TRPC6: variants seen among roughly 807,000 people sequenced by gnomAD.
TRPC6 encodes transient receptor potential cation channel subfamily C member 6.
TRPC6 carries 55 observed loss-of-function variants against 90.7 expected under a neutral mutation model. The ratio of observed to expected loss-of-function variants is 0.61; its 90% CI spans 0.49 to 0.76. The LOEUF (loss-of-function observed/expected upper bound fraction) is 0.76, where lower values mean the gene tolerates loss of function less well. Ranked by LOEUF, TRPC6 falls within the 30% of genes least tolerant of loss-of-function variation. The pLI is 0.00. For synonymous variants in TRPC6, 393 were observed against 393.0 expected (o/e 1.00, Z 0.00); for missense variants, 989 against 1,122.7 (o/e 0.88, Z 1.70).
intron 1 of TRPC6, among the ~76,000 whole-genome samples, chr11:101,563,498 C>CA (rs1861760789): frequency 6.6e-6 from 1 of 151,962 alleles, no homozygotes; most frequent in Admixed American, 6.6e-5. Context: ...GAAAACATTA[C>CA]AAAAAATGTT....
intron 1 of TRPC6, among the ~76,000 whole-genome samples, chr11:101,525,368 T>C (rs1860754997): frequency 1.3e-5 from 2 of 152,144 alleles, no homozygotes; most frequent in South Asian, 4.1e-4. Flanking sequence ...TTTATTGTAA[T>C]AAGTAGGAGA....
In TRPC6 at chr11:101,469,504, T is replaced by C. The variant is rs1190490132; in HGVS notation, c.2410-3A>G. ...CCAAGTTTCTTTTCTTCATTTATCT[T>C]TTAAAGATAGATAGTAAAATGAGTA... On this transcript the variant is annotated splice_region_variant and splice_polypyrimidine_tract_variant and intron_variant, in intron 9 of 12. Transcript: ENST00000344327. 1.3e-6 allele frequency: 1 copy of C among 756,936 alleles called. No individual in the cohort carries two copies. The highest frequency in any genetic ancestry group is 2.5e-6 in the Non-Finnish European group (1 of 404,910). The allele number at this position is 756,936 out of a possible 1,614,324, so 46.9% of individuals were successfully genotyped here.
chr11:101,455,356 C>A, intron 10 of TRPC6: 1 of 406,638 alleles, frequency 2.5e-6, no homozygotes, highest in Non-Finnish European at 4.5e-6. Context: ...ATCACGTTGT[C>A]ATGAGAATCA....
At chr11:101,562,020 T>C (rs1861726313) in intron 1 of TRPC6, among the ~76,000 whole-genome samples, 2 of 152,074 alleles carry the variant, frequency 1.3e-5, no homozygotes, top group Admixed American at 6.6e-5. Context: ...AGATATACCG[T>C]AGGATCACAA....
chr11:101,485,647 G>A (rs1859663099), intron 4 of TRPC6, among the ~76,000 whole-genome samples: 1 of 151,828 alleles, frequency 6.6e-6, no homozygotes, highest in African/African-American at 2.4e-5. Flanking sequence ...ATGACTGTTA[G>A]TGAAATTCAT....
At chr11:101,515,632 C>T (rs1430799776) in intron 1 of TRPC6, among the ~76,000 whole-genome samples, 5 of 152,156 alleles carry the variant, frequency 3.3e-5, no homozygotes, top group Non-Finnish European at 5.9e-5. Context: ...TTATTTTACT[C>T]CATTTCAAGA....
rs1483143476 is a variant in TRPC6, at chr11:101,488,833, A to C, written c.1293+104T>G. On this transcript the variant is annotated intron_variant, in intron 4 of 12. Transcript: ENST00000344327. ...TGTTAAAAACAATAAAGATTACTGA[A>C]ACCCAACTGTGATTCCCTGAAATTT... 6 of 1,294,572 alleles carry C rather than the reference A, an allele frequency of 4.6e-6. No homozygotes were observed. In the East Asian group the frequency reaches 1.2e-4, roughly 25 times the overall value. 80.2% of individuals were successfully genotyped at this position (1,294,572 alleles called of 1,614,324 possible).
At chr11:101,495,969 G>C (rs1428587510) in intron 2 of TRPC6, among the ~76,000 whole-genome samples, 1 of 152,060 alleles carries the variant, frequency 6.6e-6, no homozygotes, top group Non-Finnish European at 1.5e-5. Flanking sequence ...GGTTTAATTG[G>C]CTCATGGTTC....
chr11:101,501,634 G>T (rs1263972065), intron 2 of TRPC6, among the ~76,000 whole-genome samples: 5 of 152,074 alleles, frequency 3.3e-5, no homozygotes, highest in African/African-American at 1.2e-4. Context: ...CCCTTGTATG[G>T]CAGTTCTTTC....
chr11:101,528,645 A>C (rs147811392), intron 1 of TRPC6, among the ~76,000 whole-genome samples: 1 of 152,242 alleles, frequency 6.6e-6, no homozygotes, highest in Non-Finnish European at 1.5e-5. Flanking sequence ...TCTCTTATAG[A>C]AATCTGTGCA....
rs1348854784 is a variant in TRPC6, at chr11:101,473,564, T to C, written c.1954A>G (p.Met652Val). The C allele has an allele frequency of 6.2e-7, 1 of 1,613,438 alleles. No individual in the cohort carries two copies. The highest frequency in any genetic ancestry group is 8.5e-7 in the Non-Finnish European group (1 of 1,179,648). ...IMVFVAFMIG[M>V]FNLYSYYIGA... ...ATGTAGTAGGAGTAGAGATTGAACA[T>C]TCCAATCATAAAGGCCACAAACACC... Residue 652 changes from methionine to valine, a missense_variant, in exon 7 of 13, where the codon ATG becomes GTG. Physicochemically the swap from Met to Val is conservative, Grantham distance 21 (BLOSUM62 1). Around this residue, in one of 4 missense-constraint regions of TRPC6, gnomAD observed 118 missense variants for 197.6 expected, o/e 0.60. Coordinates refer to ENST00000344327, the MANE Select transcript of TRPC6 (RefSeq NM_004621.6).
intron 1 of TRPC6, among the ~76,000 whole-genome samples, chr11:101,540,603 AT>A (rs1388439537): frequency 6.6e-6 from 1 of 152,218 alleles, no homozygotes; most frequent in Non-Finnish European, 1.5e-5. Flanking sequence ...GGTCACAGCC[AT>A]TTATTTCATC....
chr11:101,486,570 A>AAAACAATT (rs908610599), intron 4 of TRPC6, among the ~76,000 whole-genome samples: 5 of 152,184 alleles, frequency 3.3e-5, no homozygotes, highest in African/African-American at 1.2e-4. Flanking sequence ...GTAATGAACA[A>AAAACAATT]AAACAATTGA....
chr11:101,472,130 A>T lies in TRPC6; in HGVS notation c.2205+7T>A. The T allele has an allele frequency of 6.2e-7, 1 of 1,609,312 alleles. No individual in the cohort carries two copies. The highest frequency in any genetic ancestry group is 8.5e-7 in the Non-Finnish European group (1 of 1,177,714). ...GCACAAATTATAAAAATGTATTGAG[A>T]TTATACCTCAATTTCCTGGAATGAA... On this transcript the variant is annotated splice_region_variant and intron_variant, in intron 8 of 12. Transcript: ENST00000344327.
intron 5 of TRPC6, 48 bp from the exon 6 acceptor site, chr11:101,476,582 A>T (rs747453539): frequency 2.0e-6 from 3 of 1,523,788 alleles, no homozygotes; most frequent in Non-Finnish European, 2.7e-6. Context: ...ATTCAGCCTT[A>T]GCTGTTCTAT....
At position 101,553,265 on chromosome 11, in the gene TRPC6, GCTAA is replaced by G. The variant is rs1325597010; in HGVS notation, c.170+30065_170+30068del. 9.2e-5 allele frequency among the ~76,000 whole-genome samples: 14 copies of G among 152,080 alleles called. 1 individual carries two copies. The highest frequency in any genetic ancestry group is 1.5e-4 in the Non-Finnish European group (10 of 68,006). Reference sequence around the variant, plus strand: ...CTGCAGAAACCAAATGCTGTTCTAAGCTAACTCTTTCCTGTAACCTATCCCATCT... The same window carrying G: ...CTGCAGAAACCAAATGCTGTTCTAAGCTCTTTCCTGTAACCTATCCCATCT... On this transcript the variant is annotated intron_variant, in intron 1 of 12. Transcript: ENST00000344327.
intron 1 of TRPC6, among the ~76,000 whole-genome samples, chr11:101,571,532 A>G (rs992185258): frequency 2.0e-5 from 3 of 152,202 alleles, no homozygotes; most frequent in African/African-American, 7.2e-5. Context: ...TAAACTTCAT[A>G]TGGAACCAAA....
chr11:101,482,854 A>C, intron 5 of TRPC6, 95 bp downstream of exon 5: 2 of 1,260,530 alleles, frequency 1.6e-6, no homozygotes, highest in Non-Finnish European at 2.3e-6. Context: ...ATCATGCTGC[A>C]TACATTTGTA....
intron 1 of TRPC6, among the ~76,000 whole-genome samples, chr11:101,515,527 G>T (rs1344649563): frequency 1.3e-5 from 2 of 152,098 alleles, no homozygotes; most frequent in Non-Finnish European, 2.9e-5. Context: ...GACACAAAAT[G>T]TTTTATGCAT....
Sources: allele counts gnomAD v4.1 joint callset (sites outside exome capture counted in the v4.1 genomes callset), GRCh38; gene constraint gnomAD v4.1.1; regional missense constraint gnomAD v4.1.1; transcripts MANE v1.5; gene names NCBI Gene and HGNC (gene_info 2026-07-23, HGNC 2026-07-21).